FGB: variants seen among roughly 807,000 people sequenced by gnomAD.
FGB encodes the protein fibrinogen beta chain.
FGB carries 25 observed loss-of-function variants against 57.9 expected under a neutral mutation model. The observed-to-expected ratio is 0.43, with a 90% CI of 0.31 to 0.60. The LOEUF (loss-of-function observed/expected upper bound fraction) is 0.60. Among genes scored for constraint, FGB ranks in the 20% least tolerant of loss-of-function variants. The pLI, the probability that FGB is intolerant of heterozygous loss-of-function variation, is 0.08. For synonymous variants in FGB, 203 were observed against 199.2 expected, an observed-to-expected ratio of 1.02 and a Z score of -0.16; for missense variants, 536 against 598.4, an observed-to-expected ratio of 0.90 and a Z score of 1.09.
intron 1 of FGB, among the ~76,000 whole-genome samples, chr4:154,564,152 C>T (rs1730058999): frequency 6.6e-6 from 1 of 152,030 alleles, no homozygotes; most frequent in Non-Finnish European, 1.5e-5. Flanking sequence ...AGCACTTTCA[C>T]ATTTCTGCTT....
intron 2 of FGB, 120 bp downstream of exon 2, chr4:154,566,119 T>C: frequency 1.1e-6 from 1 of 911,714 alleles, no homozygotes; most frequent in Non-Finnish European, 1.7e-6. Context: ...TGTTTGTTTA[T>C]TTTGGAAATA....
chr4:154,565,727 T>C (rs1560816694), intron 1 of FGB, 81 bp from the exon 2 acceptor site: 2 of 1,391,628 alleles, frequency 1.4e-6, no homozygotes, highest in Non-Finnish European at 1.0e-6. Flanking sequence ...TAACCTAAAT[T>C]ATAAAATGAG....
chr4:154,563,236 G>C (rs1333365554), intron 1 of FGB, 104 bp downstream of exon 1: 1 of 587,870 alleles, frequency 1.7e-6, no homozygotes, highest in East Asian at 3.0e-5. Flanking sequence ...ATTGCTTATA[G>C]TTATGAAATG....
Position 154,567,838 on chromosome 4 carries a change from A to G in FGB, c.718+18A>G. 2.6e-6 allele frequency: 4 copies of G among 1,559,664 alleles called. No individual in the cohort carries two copies. The highest frequency in any genetic ancestry group is 1.1e-5 in the South Asian group (1 of 90,098). ...TGGCAAAGGTAACTGATTCATAAAC[A>G]TATTTTTAGAGAGTTCCAGAAGAAC... On this transcript the variant is annotated intron_variant, in intron 4 of 7. Coordinates refer to ENST00000302068, the MANE Select transcript of FGB (RefSeq NM_005141.5).
rs774017438 is a variant in FGB, at chr4:154,567,574, C to T, written c.491-19C>T. ...GAGGCAAAAATGCTAACTATTTCTA[C>T]ATAATTTCATTTTTCCAGATAATGA... On this transcript the variant is annotated intron_variant, in intron 3 of 7. Transcript: ENST00000302068. The T allele has an allele frequency of 6.8e-7, 1 of 1,475,180 alleles. No individual in the cohort carries two copies. Among genetic ancestry groups the T allele is most frequent in the Admixed American group, 1.7e-5 (1 of 59,848 alleles). The allele number at this position is 1,475,180 out of a possible 1,614,324, so 91.4% of individuals were successfully genotyped here.
In FGB at chr4:154,569,777, T is replaced by C; in HGVS notation, c.1222T>C (p.Tyr408His). ...TCACAACGGCATGTTCTTCAGCACG[T>C]ATGACAGAGACAATGACGGCTGGTA... Reference protein sequence around the residue: ...TIHNGMFFSTYDRDNDGWLTS... With the variant: ...TIHNGMFFSTHDRDNDGWLTS... Residue 408 changes from tyrosine to histidine, a missense_variant, in exon 7 of 8, where the codon TAT (tyrosine) becomes CAT (histidine). By Grantham distance (83) the Tyr-to-His change is moderately conservative. This residue lies in a region of FGB where 177 missense variants were observed against 193.7 expected (regional missense o/e 0.91). Transcript: ENST00000302068. 1 of 1,614,186 alleles carries C rather than the reference T, an allele frequency of 6.2e-7. No homozygotes were observed. Among genetic ancestry groups the C allele is most frequent in the Non-Finnish European group, 8.5e-7 (1 of 1,180,022 alleles).
chr4:154,572,800 C>A lies in FGB; in HGVS notation c.*2150C>A, dbSNP rs927715058. On this transcript the variant is annotated 3_prime_UTR_variant, in exon 8 of 8. Transcript: ENST00000302068. ...TCAAGATATTAAATATATCCATCAC[C>A]TCCAAAAGTTTCCTTGTGTTCATTT... Among the ~76,000 whole-genome samples the A allele has an allele frequency of 6.6e-6, 1 of 152,128 alleles. No homozygotes were observed. Among genetic ancestry groups the A allele is most frequent in the Admixed American group, 6.5e-5 (1 of 15,272 alleles).
rs1730445268 is a variant in FGB, at chr4:154,571,929, C to A, written c.*1279C>A. ...TTTCTGTCTTGGAAATGCTACTACT[C>A]TCTTTAATTACTCACCAAATCCAAC... On this transcript the variant is annotated 3_prime_UTR_variant, in exon 8 of 8. Transcript: ENST00000302068. 6.6e-6 allele frequency among the ~76,000 whole-genome samples: 1 copy of A among 152,182 alleles called. No individual in the cohort carries two copies. The highest frequency in any genetic ancestry group is 2.1e-4 in the South Asian group (1 of 4,832).
Position 154,570,426 on chromosome 4 carries a change from T to A in FGB, c.1252T>A (p.Ser418Thr), listed in dbSNP as rs749089748. 1 of 1,612,778 alleles carries A rather than the reference T, an allele frequency of 6.2e-7. No individual in the cohort carries two copies. The highest frequency in any genetic ancestry group is 8.5e-7 in the Non-Finnish European group (1 of 1,178,776). ...AAACACATTTTCTTTCAGGTTAACA[T>A]CAGATCCCAGAAAACAGTGTTCTAA... ...YDRDNDGWLT[S>T]DPRKQCSKED... The change falls in exon 8 of 8, where the codon TCA (serine) becomes ACA (threonine). Residue 418 changes from serine (S) to threonine (T), a missense_variant. Physicochemically the swap from Ser to Thr is moderately conservative, Grantham distance 58. Coordinates refer to ENST00000302068, the MANE Select transcript of FGB (RefSeq NM_005141.5).
At chr4:154,569,470 C>A in intron 6 of FGB, 44 bp from the exon 7 acceptor site, 1 of 1,600,592 alleles carries the variant, frequency 6.2e-7, no homozygotes, top group South Asian at 1.1e-5. Flanking sequence ...TTTAGTTTCC[C>A]AAAATTTTAT....
At position 154,571,677 on chromosome 4, in the gene FGB, T is replaced by C. The variant is rs563622201; in HGVS notation, c.*1027T>C. ...TTCTTGTCCTCAATTAGGCTTTTTT[T>C]TCTTCATAGTTACACCAGAACTAAA... On this transcript the variant is annotated 3_prime_UTR_variant, in exon 8 of 8. Coordinates refer to ENST00000302068, the MANE Select transcript of FGB (RefSeq NM_005141.5). Among the ~76,000 whole-genome samples, 1 of 152,260 alleles carries C rather than the reference T, an allele frequency of 6.6e-6. No individual in the cohort carries two copies. The highest frequency in any genetic ancestry group is 6.5e-5 in the Admixed American group (1 of 15,294).
chr4:154,565,858 G>A lies in FGB; in HGVS notation c.165G>A (p.Glu55=). The A allele has an allele frequency of 6.2e-7, 1 of 1,614,170 alleles. No individual in the cohort carries two copies. The highest frequency in any genetic ancestry group is 8.5e-7 in the Non-Finnish European group (1 of 1,180,018). ...GACCCCTTGACAAGAAGAGAGAAGA[G>A]GCTCCCAGCCTGAGGCCTGCCCCAC... is the stretch of plus-strand genomic sequence containing the variant. ...GHRPLDKKRE[E]APSLRPAPPP... Residue 55 remains glutamate, a synonymous_variant, in exon 2 of 8, where the codon GAG becomes GAA. Transcript: ENST00000302068.
chr4:154,568,339 AT>A, intron 4 of FGB, 41 bp from the exon 5 acceptor site: 1 of 1,007,958 alleles, frequency 9.9e-7, no homozygotes, highest in Non-Finnish European at 1.6e-6. Flanking sequence ...CAAAGTAATT[AT>A]GTCATAAACC....
In FGB at chr4:154,572,640, C is replaced by T. The variant is rs1033003467; in HGVS notation, c.*1990C>T. On this transcript the variant is annotated 3_prime_UTR_variant, in exon 8 of 8. Transcript: ENST00000302068. ...TTAGCTTAGACTCTGAACACATATT[C>T]TTCTTAGACCATACAGTCATTCTCA... 6.6e-6 allele frequency among the ~76,000 whole-genome samples: 1 copy of T among 152,122 alleles called. No individual in the cohort carries two copies. Among genetic ancestry groups the T allele is most frequent in the Non-Finnish European group, 1.5e-5 (1 of 68,022 alleles).
chr4:154,569,310 A>G lies in FGB; in HGVS notation c.958+3A>G, dbSNP rs113846599. The G allele has an allele frequency of 3.1e-6, 5 of 1,614,136 alleles. No homozygotes were observed. Among genetic ancestry groups the G allele is most frequent in the Non-Finnish European group, 3.4e-6 (4 of 1,179,974 alleles). On this transcript the variant is annotated splice_donor_region_variant and intron_variant, in intron 6 of 7. Transcript: ENST00000302068. ...GAAGAATTACTGTGGCCTACCAGGT[A>G]ACGAACAGGCATGCAAAATAAAATC...
At chr4:154,565,777 C>G in intron 1 of FGB, 31 bp from the exon 2 acceptor site, 1 of 1,581,588 alleles carries the variant, frequency 6.3e-7, no homozygotes, top group East Asian at 2.2e-5. Context: ...CTATAACACT[C>G]TGTATTATAT....
At position 154,571,167 on chromosome 4, in the gene FGB, C is replaced by A; in HGVS notation, c.*517C>A. 5.1e-6 allele frequency: 1 copy of A among 196,468 alleles called. No individual in the cohort carries two copies. The highest frequency in any genetic ancestry group is 8.9e-5 in the South Asian group (1 of 11,298). The allele number at this position is 196,468 out of a possible 1,614,324, so 12.2% of individuals were successfully genotyped here. On this transcript the variant is annotated 3_prime_UTR_variant, in exon 8 of 8. Coordinates refer to ENST00000302068, the MANE Select transcript of FGB (RefSeq NM_005141.5). ...GTAAGGAAGGAGAAGCGTTCACAACCTCAAATAGCTAATAAACCGGTCTTG... is the reference window on the plus strand; with the variant it reads ...GTAAGGAAGGAGAAGCGTTCACAACATCAAATAGCTAATAAACCGGTCTTG...
At chr4:154,568,357 CATA>C in intron 4 of FGB, 21 bp from the exon 5 acceptor site, 1 of 1,199,686 alleles carries the variant, frequency 8.3e-7, no homozygotes, top group Non-Finnish European at 1.2e-6. Context: ...AACCCCTGAA[CATA>C]ATGTTGTCTT....
chr4:154,569,604 A>G lies in FGB; in HGVS notation c.1049A>G (p.Asp350Gly). ...LLIEMEDWKG[D>G]KVKAHYGGFT... ...ATAGAAATGGAGGACTGGAAAGGAG[A>G]CAAAGTAAAGGCTCACTATGGAGGA... The change falls in exon 7 of 8, where the codon GAC becomes GGC. Residue 350 changes from aspartate (D) to glycine (G), a missense_variant. Physicochemically the swap from Asp to Gly is moderately conservative, Grantham distance 94 (BLOSUM62 -1). Transcript: ENST00000302068. 1 of 1,614,148 alleles carries G rather than the reference A, an allele frequency of 6.2e-7. No individual in the cohort carries two copies. Among genetic ancestry groups the G allele is most frequent in the Non-Finnish European group, 8.5e-7 (1 of 1,180,014 alleles).
Sources: gnomAD v4.1 joint callset for allele counts (sites outside exome capture counted in the v4.1 genomes callset) on GRCh38, gnomAD v4.1.1 for gene constraint, gnomAD v4.1.1 regional missense constraint, MANE v1.5 for transcripts, NCBI Gene and HGNC (gene_info 2026-07-23, HGNC 2026-07-21) for gene names.